The following WDR35 variants were observed in gnomAD, a reference collection of about 807,000 sequenced individuals.
The protein encoded by WDR35 is WD repeat domain 35.
WDR35 carries 118 observed loss-of-function variants against 158.3 expected under a neutral mutation model. The ratio of observed to expected loss-of-function variants is 0.75; its 90% CI spans 0.64 to 0.87. WDR35 has a LOEUF of 0.87. WDR35 is among the 40% of genes least tolerant of loss of function. WDR35 has a pLI of 0.00. For synonymous variants in WDR35, 448 were observed against 476.1 expected (o/e 0.94, Z 0.77); for missense variants, 1,263 against 1,405.8 (o/e 0.90, Z 1.62).
chr2:19,918,452 T>A (rs753049999), intron 25 of WDR35, among the ~76,000 whole-genome samples: 12 of 152,270 alleles, frequency 7.9e-5, no homozygotes, highest in Non-Finnish European at 1.2e-4. Flanking sequence ...ACTGGCAAAT[T>A]GGATAGTCAA....
intron 24 of WDR35, among the ~76,000 whole-genome samples, 186 bp downstream of exon 24, chr2:19,931,083 T>C (rs1284268817): frequency 2.0e-5 from 3 of 152,210 alleles, no homozygotes; most frequent in Non-Finnish European, 4.4e-5. Flanking sequence ...TCAATATTTC[T>C]AGGTAGAAAT....
At chr2:19,914,303 T>G in intron 25 of WDR35, 26 bp from the exon 26 acceptor site, 1 of 1,613,440 alleles carries the variant, frequency 6.2e-7, no homozygotes, top group Non-Finnish European at 8.5e-7. Context: ...CAATTGGGGT[T>G]TTTTAAAATA....
Position 19,941,749 on chromosome 2 carries a change from T to A in WDR35, c.1926+10A>T, listed in dbSNP as rs1423318361. On this transcript the variant is annotated intron_variant, in intron 17 of 26. Transcript: ENST00000281405. ...AGCTAGCAACAGAAATGTAACTTTT[T>A]AGGAATTACCTTTAATATCTCATCC... The A allele has an allele frequency of 6.5e-7, 1 of 1,529,580 alleles. No individual in the cohort carries two copies. Among genetic ancestry groups the A allele is most frequent in the African/African-American group, 1.4e-5 (1 of 73,410 alleles). The allele number at this position is 1,529,580 out of a possible 1,614,324, so 94.8% of individuals were successfully genotyped here.
At chr2:19,941,476 C>T (rs1279869873) in intron 17 of WDR35, among the ~76,000 whole-genome samples, 1 of 152,158 alleles carries the variant, frequency 6.6e-6, no homozygotes, top group Admixed American at 6.5e-5. Flanking sequence ...GCTTTTCACA[C>T]ATTATCTTAT....
chr2:19,963,721 C>CATTTATTTATTT (rs35999226), intron 10 of WDR35, among the ~76,000 whole-genome samples: 5 of 149,576 alleles, frequency 3.3e-5, no homozygotes, highest in South Asian at 2.1e-4. Flanking sequence ...GTATTCCACC[C>CATTTATTTATTT]ATTTATTTAT....
intron 22 of WDR35, 51 bp from the exon 23 acceptor site, chr2:19,932,498 T>G (rs372955197): frequency 6.2e-7 from 1 of 1,607,210 alleles, no homozygotes; most frequent in South Asian, 1.1e-5. Flanking sequence ...CAGTCACATA[T>G]ATCATAAAAT....
In WDR35 at chr2:19,927,062, C is replaced by A. The variant is rs1670380182; in HGVS notation, c.3121+3334G>T. On this transcript the variant is annotated intron_variant, in intron 25 of 26. Coordinates refer to ENST00000281405, the MANE Select transcript of WDR35 (RefSeq NM_020779.4). ...CTGAGGAAAGTGGGACAACCAGTCA[C>A]AATGAGTAATTTAATGGTAGCTATG... Among the ~76,000 whole-genome samples the A allele has an allele frequency of 2.0e-5, 3 of 152,162 alleles. No individual in the cohort carries two copies. In the South Asian group the frequency reaches 6.2e-4, roughly 32 times the overall value.
intron 25 of WDR35, among the ~76,000 whole-genome samples, chr2:19,930,070 T>A (rs966435475): frequency 1.3e-5 from 2 of 149,676 alleles, no homozygotes; most frequent in African/African-American, 4.9e-5. Flanking sequence ...ATGTATTAAA[T>A]ATATTTAATA....
chr2:19,948,771 G>T (rs894911041), intron 13 of WDR35, among the ~76,000 whole-genome samples: 3 of 152,064 alleles, frequency 2.0e-5, no homozygotes, highest in Admixed American at 1.3e-4. Context: ...ATTAATGATT[G>T]CCAGGGGACA....
intron 3 of WDR35, 49 bp downstream of exon 3, chr2:19,982,414 A>G (rs1672410044): frequency 6.4e-7 from 1 of 1,561,972 alleles, no homozygotes; most frequent in African/African-American, 1.4e-5. Flanking sequence ...AACTTTCTAA[A>G]TGCCTAAATA....
rs1181461139 is a variant in WDR35, at chr2:19,932,325, C to T, written c.2781G>A (p.Arg927=). ...CTGCATCAAAAAAGTAATTGGCTTT[C>T]CGATAGAGTTCTATGGCATCAAGAG... is the stretch of plus-strand genomic sequence containing the variant. The part of the protein sequence containing the change: ...NKTLDAIELY[R]KANYFFDAAK... The change falls in exon 23 of 27, where the codon CGG becomes CGA. Residue 927 remains arginine, a synonymous_variant. Coordinates refer to ENST00000281405, the MANE Select transcript of WDR35 (RefSeq NM_020779.4). 2 of 1,613,282 alleles carry T rather than the reference C, an allele frequency of 1.2e-6. No individual in the cohort carries two copies. Among genetic ancestry groups the T allele is most frequent in the Non-Finnish European group, 1.7e-6 (2 of 1,179,526 alleles).
chr2:19,976,158 T>C lies in WDR35; in HGVS notation c.437-495A>G, dbSNP rs73218314. Among the ~76,000 whole-genome samples the C allele has an allele frequency of 4.2e-3, 633 of 152,284 alleles. 5 individuals are homozygous for C. The highest frequency in any genetic ancestry group is 0.015 in the African/African-American group (604 of 41,574). ...TTTATCGACTACTCTCATTTTCTCT[T>C]TCTCATTAAACTCTTCACTCCAGGG... On this transcript the variant is annotated intron_variant, in intron 5 of 26. Coordinates refer to ENST00000281405, the MANE Select transcript of WDR35 (RefSeq NM_020779.4).
chr2:19,959,672 A>G (rs896294474), intron 11 of WDR35, among the ~76,000 whole-genome samples: 3 of 152,006 alleles, frequency 2.0e-5, no homozygotes, highest in Admixed American at 1.3e-4. Flanking sequence ...AATTTTTTCA[A>G]CAAACACTTA....
Position 19,966,833 on chromosome 2 carries a change from T to C in WDR35, c.1085A>G (p.Asp362Gly), listed in dbSNP as rs766142207. 19 of 1,613,824 alleles carry C rather than the reference T, an allele frequency of 1.2e-5. No homozygotes were observed. The highest frequency in any genetic ancestry group is 1.6e-4 in the Middle Eastern group (1 of 6,080). Residue 362 changes from aspartate to glycine, a missense_variant, in exon 10 of 27, where the codon GAT becomes GGT. Asp to Gly is a moderately conservative substitution (Grantham distance 94). Transcript: ENST00000281405. ...DRPEYCVVFWDTKNNEKYVKY... is the reference protein window; with the variant it reads ...DRPEYCVVFWGTKNNEKYVKY... ...AACATATTTTTCATTGTTTTTCGTA[T>C]CCCAGAAGACAACACAATATTCTGG...
At chr2:19,947,946 CATAAG>C (rs1009625791) in intron 14 of WDR35, among the ~76,000 whole-genome samples, 13 of 151,900 alleles carry the variant, frequency 8.6e-5, no homozygotes, top group Non-Finnish European at 1.3e-4. Context: ...TTGGGGTGCC[CATAAG>C]ATGATATTCA....
intron 5 of WDR35, among the ~76,000 whole-genome samples, 171 bp from the exon 6 acceptor site, chr2:19,975,834 T>A (rs1300587129): frequency 6.6e-6 from 1 of 152,246 alleles, no homozygotes; most frequent in Non-Finnish European, 1.5e-5. Flanking sequence ...TGAAAAGACA[T>A]CTGAAATAGC....
intron 8 of WDR35, among the ~76,000 whole-genome samples, chr2:19,971,409 T>C (rs1672030334): frequency 6.6e-6 from 1 of 152,216 alleles, no homozygotes; most frequent in Non-Finnish European, 1.5e-5. Context: ...GGTCCCCTCT[T>C]GTCTCTCTGT....
rs1241690311 is a variant in WDR35 at position 19,933,480 on chromosome 2, AT to A, written c.2578del (p.Met860CysfsTer6). 6.2e-7 allele frequency: 1 copy of A among 1,613,882 alleles called. No individual in the cohort carries two copies. The highest frequency in any genetic ancestry group is 2.2e-5 in the East Asian group (1 of 44,872). On this transcript the variant is annotated frameshift_variant, in exon 22 of 27. Coordinates refer to ENST00000281405, the MANE Select transcript of WDR35 (RefSeq NM_020779.4). LOFTEE classifies it high-confidence loss of function. ...AAATGCAGTCACTGCTTGTTCACAC[AT>A]TCCAACTCTGACAAACATTTGTGCT... Reference protein sequence around the residue: ...EIAQMFVRVGMCEQAVTAFLK... With the variant: ...EIAQMFVRVGXCEQAVTAFLK...
intron 25 of WDR35, among the ~76,000 whole-genome samples, chr2:19,920,306 A>G (rs1450143324): frequency 6.6e-6 from 1 of 152,246 alleles, no homozygotes; most frequent in Non-Finnish European, 1.5e-5. Flanking sequence ...AATATCCCTG[A>G]TGAACATCTA....
Sources: gnomAD v4.1 joint callset for allele counts (sites outside exome capture counted in the v4.1 genomes callset) on GRCh38, gnomAD v4.1.1 for gene constraint, MANE v1.5 for transcripts, NCBI Gene and HGNC (gene_info 2026-07-23, HGNC 2026-07-21) for gene names.